The following RIMBP2 variants were observed in gnomAD, a reference collection of about 807,000 sequenced individuals.
RIMBP2 encodes RIMS-binding protein 2.
In RIMBP2, 48 loss-of-function variants were observed where a neutral mutation model predicts 118.6. The observed-to-expected ratio is 0.40, with a 90% CI of 0.32 to 0.51. The LOEUF (loss-of-function observed/expected upper bound fraction) is 0.51, where lower values mean the gene tolerates loss of function less well. Ranked by LOEUF, RIMBP2 falls within the 20% of genes least tolerant of loss-of-function variation. The pLI is 0.41. For missense variants in RIMBP2, 1,551 were observed against 1,768.3 expected (o/e 0.88, Z 2.20); for synonymous variants, 762 against 742.9 (o/e 1.03, Z -0.42).
At chr12:130,513,517 A>C (rs372968172) in intron 3 of RIMBP2, among the ~76,000 whole-genome samples, 265 of 6,818 alleles carry the variant, frequency 0.039, 2 homozygotes, top group Admixed American at 0.04. Context: ...TGCGGGGAGG[A>C]GGGAGCTTTA....
chr12:130,495,616 A>G (rs1469222091), intron 4 of RIMBP2, among the ~76,000 whole-genome samples: 1 of 152,156 alleles, frequency 6.6e-6, no homozygotes, highest in Non-Finnish European at 1.5e-5. Flanking sequence ...ATAACCTTGG[A>G]CTTGCTCCTC....
chr12:130,501,474 G>A (rs1488717787), intron 4 of RIMBP2, among the ~76,000 whole-genome samples: 5 of 152,158 alleles, frequency 3.3e-5, no homozygotes, highest in African/African-American at 1.2e-4. Flanking sequence ...AGCTAAATTA[G>A]GTCCCAGGTA....
intron 2 of RIMBP2, among the ~76,000 whole-genome samples, chr12:130,570,471 G>A (rs1027557619): frequency 2.6e-5 from 4 of 152,098 alleles, no homozygotes; most frequent in African/African-American, 7.2e-5. Flanking sequence ...AGCTCTTTAC[G>A]GGAACAAACT....
At chr12:130,637,921 C>A (rs2062424395) in intron 1 of RIMBP2, among the ~76,000 whole-genome samples, 1 of 151,572 alleles carries the variant, frequency 6.6e-6, no homozygotes. Flanking sequence ...TATTTGGGGA[C>A]TTTGGCATTG....
intron 2 of RIMBP2, among the ~76,000 whole-genome samples, chr12:130,522,245 T>A (rs77671733): frequency 0.065 from 9,944 of 152,304 alleles, 458 homozygotes; most frequent in Admixed American, 0.15. Context: ...AAGTGAATTC[T>A]AATGAGGATG....
intron 1 of RIMBP2, among the ~76,000 whole-genome samples, chr12:130,645,680 TGAG>T (rs1483536047): frequency 6.6e-6 from 1 of 152,202 alleles, no homozygotes; most frequent in Admixed American, 6.5e-5. Context: ...GAGAGAAGGA[TGAG>T]AAGAAACAAA....
chr12:130,555,140 C>G (rs916523210), intron 2 of RIMBP2, among the ~76,000 whole-genome samples: 1 of 152,208 alleles, frequency 6.6e-6, no homozygotes, highest in Non-Finnish European at 1.5e-5. Context: ...GACTTGAACC[C>G]TGCGATCTGA....
intron 2 of RIMBP2, among the ~76,000 whole-genome samples, chr12:130,533,183 G>A (rs145818839): frequency 9.2e-5 from 14 of 152,080 alleles, no homozygotes; most frequent in South Asian, 2.1e-4. Flanking sequence ...AATGAGATGC[G>A]TGTGTTTAGC....
intron 2 of RIMBP2, among the ~76,000 whole-genome samples, chr12:130,611,978 G>A (rs2060584693): frequency 6.6e-6 from 1 of 152,222 alleles, no homozygotes; most frequent in Non-Finnish European, 1.5e-5. Flanking sequence ...TGCATCCTCT[G>A]AGAAGCATGT....
rs186306404 is a variant in RIMBP2 at position 130,592,116 on chromosome 12, T to C, written c.-217+36206A>G. On this transcript the variant is annotated intron_variant, in intron 2 of 22. Coordinates refer to ENST00000690449, the MANE Select transcript of RIMBP2 (RefSeq NM_001393629.1). The stretch of plus-strand genomic sequence containing the variant: ...GAGAGGTAAGAAACGGACAGCTGTT[T>C]CATGACAGTCTCACGACTGATTACC... Among the ~76,000 whole-genome samples, 5 of 152,310 alleles carry C rather than the reference T, an allele frequency of 3.3e-5. No individual in the cohort carries two copies. The East Asian group carries it at 9.7e-4, about 29-fold the overall frequency.
chr12:130,607,123 G>A (rs184809375), intron 2 of RIMBP2, among the ~76,000 whole-genome samples: 1 of 152,158 alleles, frequency 6.6e-6, no homozygotes, highest in Non-Finnish European at 1.5e-5. Flanking sequence ...AGCCACCACG[G>A]CCGGCCCAGT....
chr12:130,426,718 T>G (rs2076816488), intron 15 of RIMBP2: 1 of 152,474 alleles, frequency 6.6e-6, no homozygotes, highest in South Asian at 2.1e-4. Context: ...GGGGTGGGGC[T>G]CAGCCCAGGA....
intron 5 of RIMBP2, among the ~76,000 whole-genome samples, chr12:130,476,021 T>C (rs1365084452): frequency 6.6e-6 from 1 of 151,984 alleles, no homozygotes; most frequent in Non-Finnish European, 1.5e-5. Context: ...TGCATCTATG[T>C]GAGGTCATGA....
intron 17 of RIMBP2, among the ~76,000 whole-genome samples, chr12:130,417,154 T>C (rs1012360376): frequency 2.0e-5 from 3 of 152,082 alleles, no homozygotes; most frequent in Non-Finnish European, 4.4e-5. Flanking sequence ...GGAACGGAAA[T>C]TAGTTCAGCC....
At chr12:130,508,060 C>A (rs1181581979) in intron 3 of RIMBP2, among the ~76,000 whole-genome samples, 1 of 152,104 alleles carries the variant, frequency 6.6e-6, no homozygotes, top group South Asian at 2.1e-4. Context: ...TATCAGGCAA[C>A]GAACTTAGAG....
chr12:130,668,948 T>C (rs140645376), intron 1 of RIMBP2, among the ~76,000 whole-genome samples: 1 of 152,324 alleles, frequency 6.6e-6, no homozygotes, highest in East Asian at 1.9e-4. Flanking sequence ...CAATTATACC[T>C]TTTGCAGACA....
At chr12:130,449,212 A>T (rs1362633693) in intron 9 of RIMBP2, among the ~76,000 whole-genome samples, 1 of 152,232 alleles carries the variant, frequency 6.6e-6, no homozygotes, top group African/African-American at 2.4e-5. Context: ...AATGGGGGTG[A>T]ACTGCTCTGT....
chr12:130,689,615 C>A (rs913484500), intron 1 of RIMBP2, among the ~76,000 whole-genome samples: 1 of 152,106 alleles, frequency 6.6e-6, no homozygotes, highest in Non-Finnish European at 1.5e-5. Context: ...GGTGGAGGAG[C>A]TGCCTCTGAT....
In RIMBP2 at chr12:130,623,722, C is replaced by G. The variant is rs980342296; in HGVS notation, c.-217+4600G>C. 5.9e-5 allele frequency among the ~76,000 whole-genome samples: 9 copies of G among 152,168 alleles called. No individual in the cohort carries two copies. The highest frequency in any genetic ancestry group is 1.3e-4 in the Admixed American group (2 of 15,276). ...GGCTCCATCTAGCTGAGACCCAAGC[C>G]TGACCTACATGCAGGGCAAGCAAGA... On this transcript the variant is annotated intron_variant, in intron 2 of 22. Coordinates refer to ENST00000690449, the MANE Select transcript of RIMBP2 (RefSeq NM_001393629.1). The surrounding 1 kb of genome is among the most constrained non-coding windows in gnomAD (Gnocchi z 4.1).
Sources: allele counts gnomAD v4.1 joint callset (sites outside exome capture counted in the v4.1 genomes callset), GRCh38; gene constraint gnomAD v4.1.1; non-coding constraint Gnocchi (gnomAD v3.1); transcripts MANE v1.5; gene names NCBI Gene and HGNC (gene_info 2026-07-23, HGNC 2026-07-21).